Variants in MORF4L1 observed in about 807,000 individuals in gnomAD.
The protein encoded by MORF4L1 is mortality factor 4 like 1.
In MORF4L1, 4 loss-of-function variants were observed where a neutral mutation model predicts 52.9. The ratio of observed to expected loss-of-function variants is 0.08; its 90% CI spans 0.04 to 0.17. The LOEUF (loss-of-function observed/expected upper bound fraction) is 0.17. Among genes scored for constraint, MORF4L1 ranks in the 10% least tolerant of loss-of-function variants. The pLI, the probability that MORF4L1 is intolerant of heterozygous loss-of-function variation, is 1.00. For missense variants in MORF4L1, 214 were observed against 390.4 expected (o/e 0.55, Z 3.81); for synonymous variants, 123 against 134.8 (o/e 0.91, Z 0.61).
At chr15:78,891,694 A>C (rs1016562500) in intron 7 of MORF4L1, 122 bp downstream of exon 7, 3 of 748,494 alleles carry the variant, frequency 4.0e-6, no homozygotes, top group East Asian at 5.7e-5. Flanking sequence ...TGAAATTAAA[A>C]ATTTTCTCTT....
intron 5 of MORF4L1, chr15:78,887,569 A>G (rs987417971): frequency 8.2e-6 from 3 of 366,082 alleles, no homozygotes; most frequent in Non-Finnish European, 1.5e-5. Flanking sequence ...GTATAAATAT[A>G]TGTGTGTGAT....
intron 1 of MORF4L1, among the ~76,000 whole-genome samples, chr15:78,875,986 G>A (rs1190989811): frequency 6.6e-6 from 1 of 151,880 alleles, no homozygotes; most frequent in Non-Finnish European, 1.5e-5. Context: ...CGCCCAGGCT[G>A]GAGTCCAGTG....
Position 78,897,178 on chromosome 15 carries a change from T to C in MORF4L1, c.*111T>C. ...AGATGTTAGTGTATAACAATTGATG[T>C]TTGTTTTCTGTTTGATTTTAAACAG... On this transcript the variant is annotated 3_prime_UTR_variant, in exon 12 of 12. Coordinates refer to ENST00000426013, the MANE Select transcript of MORF4L1 (RefSeq NM_006791.4). 1 of 792,998 alleles carries C rather than the reference T, an allele frequency of 1.3e-6. No individual in the cohort carries two copies. Among genetic ancestry groups the C allele is most frequent in the Non-Finnish European group, 2.0e-6 (1 of 495,492 alleles). 49.1% of individuals were successfully genotyped at this position (792,998 alleles called of 1,614,324 possible).
At position 78,887,264 on chromosome 15, in the gene MORF4L1, T is replaced by C. The variant is rs2056722573; in HGVS notation, c.243-5T>C. ...ATGTTGACATTACTGAAATTATTTT[T>C]GAAGGGAGCAGTATGCAGAGGGGAA... On this transcript the variant is annotated splice_polypyrimidine_tract_variant and splice_region_variant and intron_variant, in intron 4 of 11. Coordinates refer to ENST00000426013, the MANE Select transcript of MORF4L1 (RefSeq NM_006791.4). 4 of 1,598,760 alleles carry C rather than the reference T, an allele frequency of 2.5e-6. No homozygotes were observed. The highest frequency in any genetic ancestry group is 3.4e-6 in the Non-Finnish European group (4 of 1,176,448).
intron 1 of MORF4L1, among the ~76,000 whole-genome samples, chr15:78,877,181 C>A (rs558433866): frequency 3.0e-4 from 41 of 134,542 alleles, no homozygotes; most frequent in Non-Finnish European, 3.8e-4. Flanking sequence ...AGTGCGGTGA[C>A]AAGATCTTAG....
chr15:78,873,242 T>C (rs917354831), intron 1 of MORF4L1, 185 bp downstream of exon 1: 116 of 1,505,670 alleles, frequency 7.7e-5, no homozygotes, highest in Non-Finnish European at 1.0e-4. Flanking sequence ...AGAAAGCGCT[T>C]TGTGAAGCGA....
At chr15:78,885,589 C>T (rs1015148032) in intron 3 of MORF4L1, among the ~76,000 whole-genome samples, 1 of 152,166 alleles carries the variant, frequency 6.6e-6, no homozygotes, top group African/African-American at 2.4e-5. Flanking sequence ...GTATTGTAGA[C>T]TTCCTAATAT....
chr15:78,881,188 C>CTTTTTTTTT (rs777713555), intron 3 of MORF4L1, among the ~76,000 whole-genome samples: 25 of 13,738 alleles, frequency 1.8e-3, no homozygotes, highest in South Asian at 4.2e-3. Context: ...AAGAGTTAAG[C>CTTTTTTTTT]CTTTTTTTTT....
chr15:78,888,997 A>G (rs1381593338), intron 5 of MORF4L1, among the ~76,000 whole-genome samples: 1 of 152,212 alleles, frequency 6.6e-6, no homozygotes, highest in African/African-American at 2.4e-5. Flanking sequence ...ATTTTTATCA[A>G]AAGTAATAGT....
At chr15:78,884,953 GCTGT>G in intron 3 of MORF4L1, 3 of 1,599,086 alleles carry the variant, frequency 1.9e-6, no homozygotes, top group Non-Finnish European at 1.7e-6. Context: ...TTTGTACTAT[GCTGT>G]CTGTATCAGA....
intron 1 of MORF4L1, among the ~76,000 whole-genome samples, chr15:78,874,237 T>G (rs978950429): frequency 1.3e-5 from 2 of 152,274 alleles, no homozygotes; most frequent in Non-Finnish European, 2.9e-5. Flanking sequence ...GATGTCTACA[T>G]GCGTACGATT....
chr15:78,883,605 T>C (rs1487454868), intron 3 of MORF4L1, among the ~76,000 whole-genome samples: 1 of 152,188 alleles, frequency 6.6e-6, no homozygotes, highest in African/African-American at 2.4e-5. Context: ...TTGACACATA[T>C]TAATTACTGT....
intron 1 of MORF4L1, among the ~76,000 whole-genome samples, chr15:78,874,679 C>G (rs1434848687): frequency 6.7e-6 from 1 of 148,616 alleles, no homozygotes; most frequent in African/African-American, 2.5e-5. Flanking sequence ...CCACCCGCCT[C>G]GGCCTCCCAA....
chr15:78,884,033 G>A lies in MORF4L1; in HGVS notation c.156-2108G>A, dbSNP rs371896102. 9.3e-5 allele frequency among the ~76,000 whole-genome samples: 14 copies of A among 151,188 alleles called. No homozygotes were observed. In the East Asian group the frequency reaches 1.8e-3, roughly 19 times the overall value. ...AGCCTGGCCAACATGATGAAATCCC[G>A]TCTCTAGTAAAAATACAAAAATTAG... On this transcript the variant is annotated intron_variant, in intron 3 of 11. Coordinates refer to ENST00000426013, the MANE Select transcript of MORF4L1 (RefSeq NM_006791.4).
At chr15:78,888,465 T>C in intron 5 of MORF4L1, among the ~76,000 whole-genome samples, 1 of 151,880 alleles carries the variant, frequency 6.6e-6, no homozygotes, top group South Asian at 2.1e-4. Context: ...AAAAAAAAGT[T>C]GATGTACCTG....
rs1223250242 is a variant in MORF4L1 at position 78,872,907 on chromosome 15, T to C, written c.-111T>C. On this transcript the variant is annotated 5_prime_UTR_variant, in exon 1 of 12. It removes the in-frame stop codon of an upstream open reading frame in the 5' UTR. Coordinates refer to ENST00000426013, the MANE Select transcript of MORF4L1 (RefSeq NM_006791.4). Reference sequence around the variant, plus strand: ...GCGCTGGCAAATCCGGCCCAGGATGTAGAGCTGGCAGTGCCTGACGGCGCG... The same window carrying C: ...GCGCTGGCAAATCCGGCCCAGGATGCAGAGCTGGCAGTGCCTGACGGCGCG... 1.4e-6 allele frequency: 2 copies of C among 1,480,786 alleles called. No individual in the cohort carries two copies. The highest frequency in any genetic ancestry group is 5.2e-5 in the East Asian group (2 of 38,144). 91.7% of individuals were successfully genotyped at this position (1,480,786 alleles called of 1,614,324 possible).
At chr15:78,880,268 A>G (rs967960929) in intron 2 of MORF4L1, among the ~76,000 whole-genome samples, 4 of 152,238 alleles carry the variant, frequency 2.6e-5, no homozygotes, top group Non-Finnish European at 5.9e-5. Flanking sequence ...GTCCTTGGAT[A>G]GCTTTTGTAA....
chr15:78,874,294 C>T (rs2056435861), intron 1 of MORF4L1, among the ~76,000 whole-genome samples: 1 of 152,136 alleles, frequency 6.6e-6, no homozygotes, highest in Non-Finnish European at 1.5e-5. Context: ...CTTTTAGAGC[C>T]GTAAACCTCA....
At chr15:78,880,485 AATT>A (rs764340412) in intron 2 of MORF4L1, 24 bp from the exon 3 acceptor site, 78 of 1,544,312 alleles carry the variant, frequency 5.1e-5, no homozygotes, top group Non-Finnish European at 6.3e-5. Context: ...TTTCTAAGTG[AATT>A]ATTATTTTTT....
Sources: allele counts gnomAD v4.1 joint callset (sites outside exome capture counted in the v4.1 genomes callset), GRCh38; gene constraint gnomAD v4.1.1; transcripts MANE v1.5; gene names NCBI Gene and HGNC (gene_info 2026-07-23, HGNC 2026-07-21).